Variants in GRIP1 observed in about 807,000 individuals in gnomAD.
GRIP1 encodes the protein glutamate receptor interacting protein 1.
GRIP1 carries 45 observed loss-of-function variants against 129.9 expected under a neutral mutation model. The ratio of observed to expected loss-of-function variants is 0.35; its 90% CI spans 0.27 to 0.44. The LOEUF is 0.44. Ranked by LOEUF, GRIP1 falls within the 20% of genes least tolerant of loss-of-function variation. GRIP1 has a pLI of 1.00. For missense variants in GRIP1, 1,196 were observed against 1,396.8 expected (o/e 0.86, Z 2.29); for synonymous variants, 530 against 520.8 (o/e 1.02, Z -0.24).
chr12:66,421,663 C>CT (rs11380847), intron 14 of GRIP1, among the ~76,000 whole-genome samples: 127,051 of 142,574 alleles, frequency 0.89, 57,107 homozygotes, highest in Non-Finnish European at 0.96. Flanking sequence ...TGGAATGTGA[C>CT]TTTTTTTTTT....
intron 13 of GRIP1, among the ~76,000 whole-genome samples, chr12:66,442,069 C>T (rs895910871): frequency 6.6e-6 from 1 of 152,218 alleles, no homozygotes; most frequent in Non-Finnish European, 1.5e-5. Flanking sequence ...TCTGCTTCTG[C>T]TATTTTCCCC....
At chr12:66,703,250 G>A (rs985974391) in intron 1 of GRIP1, among the ~76,000 whole-genome samples, 4 of 152,158 alleles carry the variant, frequency 2.6e-5, no homozygotes, top group Non-Finnish European at 4.4e-5. Flanking sequence ...GTGCATGCAC[G>A]CACATGTGCA....
At chr12:66,955,150 T>C (rs978223594) in intron 1 of GRIP1, among the ~76,000 whole-genome samples, 2 of 152,168 alleles carry the variant, frequency 1.3e-5, no homozygotes, top group Non-Finnish European at 2.9e-5. Context: ...AGGTTGGCAT[T>C]ATTATTGTTT....
At chr12:66,635,223 C>A (rs1009104010) in intron 1 of GRIP1, among the ~76,000 whole-genome samples, 4 of 151,764 alleles carry the variant, frequency 2.6e-5, no homozygotes, top group Non-Finnish European at 5.9e-5. Flanking sequence ...TTCAAGACAA[C>A]CCTAGGCAAC....
chr12:66,520,139 A>C (rs12312692), intron 5 of GRIP1, among the ~76,000 whole-genome samples: 13,308 of 152,254 alleles, frequency 0.087, 634 homozygotes, highest in Admixed American at 0.15. Context: ...GATATGCTCC[A>C]TCTGCAATAT....
chr12:66,571,224 C>T (rs1205047836), intron 2 of GRIP1, among the ~76,000 whole-genome samples: 3 of 152,164 alleles, frequency 2.0e-5, no homozygotes, highest in African/African-American at 4.8e-5. Context: ...AAGTCACTTT[C>T]ACACGATGTG....
intron 1 of GRIP1, among the ~76,000 whole-genome samples, chr12:66,974,045 T>C (rs2042116686): frequency 6.7e-6 from 1 of 150,184 alleles, no homozygotes. Context: ...TGCCCTAGCC[T>C]CCTGAGTAGG....
intron 2 of GRIP1, among the ~76,000 whole-genome samples, chr12:66,562,082 T>G (rs952517314): frequency 6.6e-6 from 1 of 152,140 alleles, no homozygotes; most frequent in Non-Finnish European, 1.5e-5. Flanking sequence ...CACTCCAGCC[T>G]GGGTCAGAGC....
chr12:66,924,976 G>A (rs1240796158), intron 1 of GRIP1, among the ~76,000 whole-genome samples: 2 of 151,234 alleles, frequency 1.3e-5, no homozygotes, highest in Non-Finnish European at 1.5e-5. Flanking sequence ...TCTCAAAAAA[G>A]AAAAAAAATT....
rs1049122004 is a variant in GRIP1 at position 66,348,870 on chromosome 12, A to G, written c.*149T>C. ...CTTCAACTTGAAAAGGGAAGTGAACATGAGCCATGAGAGAGATTTAAAAGA... is the reference window on the plus strand; with the variant it reads ...CTTCAACTTGAAAAGGGAAGTGAACGTGAGCCATGAGAGAGATTTAAAAGA... On this transcript the variant is annotated 3_prime_UTR_variant, in exon 25 of 25. Transcript: ENST00000359742. 27 of 728,130 alleles carry G rather than the reference A, an allele frequency of 3.7e-5. No homozygotes were observed. Among genetic ancestry groups the G allele is most frequent in the Non-Finnish European group, 5.7e-5 (23 of 402,022 alleles). The allele number at this position is 728,130 out of a possible 1,614,324, so 45.1% of individuals were successfully genotyped here.
chr12:66,838,582 G>C (rs1193589655), intron 1 of GRIP1, among the ~76,000 whole-genome samples: 24 of 152,138 alleles, frequency 1.6e-4, no homozygotes, highest in Admixed American at 1.6e-3. Context: ...TAAAGCCAAA[G>C]AATCTGATGA....
At chr12:67,060,543 G>C (rs553294001) in intron 1 of GRIP1, among the ~76,000 whole-genome samples, 33 of 152,124 alleles carry the variant, frequency 2.2e-4, no homozygotes, top group Non-Finnish European at 4.9e-4. Flanking sequence ...GATGTTGGCC[G>C]GGTGTAGTGG....
chr12:66,748,001 T>C (rs2037003697), intron 1 of GRIP1, among the ~76,000 whole-genome samples: 1 of 152,082 alleles, frequency 6.6e-6, no homozygotes, highest in Non-Finnish European at 1.5e-5. Context: ...TGTATTTGTT[T>C]ATTGTCAGTG....
At chr12:66,590,280 A>C (rs1388906960) in intron 2 of GRIP1, among the ~76,000 whole-genome samples, 1 of 152,244 alleles carries the variant, frequency 6.6e-6, no homozygotes, top group Non-Finnish European at 1.5e-5. Context: ...TTGTTTAAAA[A>C]TCACTTGCTG....
rs1592879893 is a variant in GRIP1 at position 66,824,342 on chromosome 12, A to C, written c.59-227415T>G. ...ACATAGCCTGTGCTGTTGAAGCTCC[A>C]GGCCCAGGTCATGCGTCTACACTAG... On this transcript the variant is annotated intron_variant, in intron 1 of 1. Transcript: ENST00000643019. Among the ~76,000 whole-genome samples, 3 of 152,314 alleles carry C rather than the reference A, an allele frequency of 2.0e-5. No individual in the cohort carries two copies. In the East Asian group the frequency reaches 5.8e-4, roughly 29 times the overall value.
chr12:66,433,438 T>C (rs1266022494), intron 13 of GRIP1, among the ~76,000 whole-genome samples: 2 of 152,118 alleles, frequency 1.3e-5, no homozygotes, highest in African/African-American at 4.8e-5. Flanking sequence ...CACAGGGCAC[T>C]GGAAGGGAGT....
intron 1 of GRIP1, among the ~76,000 whole-genome samples, chr12:66,685,510 G>T (rs911175950): frequency 6.6e-6 from 1 of 152,058 alleles, no homozygotes; most frequent in Admixed American, 6.6e-5. Flanking sequence ...AAATTAAAAA[G>T]ATTAATTTTC....
intron 7 of GRIP1, among the ~76,000 whole-genome samples, chr12:66,477,493 A>G (rs2059654941): frequency 6.6e-6 from 1 of 152,006 alleles, no homozygotes; most frequent in Non-Finnish European, 1.5e-5. Context: ...CCATCAAGCT[A>G]CCAATGACTT....
chr12:66,916,962 T>C (rs2041134074), intron 1 of GRIP1, among the ~76,000 whole-genome samples: 1 of 152,190 alleles, frequency 6.6e-6, no homozygotes. Flanking sequence ...CTTTATAAAA[T>C]AAATAAGATT....
Sources: allele counts gnomAD v4.1 joint callset (sites outside exome capture counted in the v4.1 genomes callset), GRCh38; gene constraint gnomAD v4.1.1; transcripts MANE v1.5; gene names NCBI Gene and HGNC (gene_info 2026-07-23, HGNC 2026-07-21).